The following CLCA4 variants were observed in gnomAD, a reference collection of about 807,000 sequenced individuals.
CLCA4 encodes calcium-activated chloride channel regulator 4.
Under a neutral mutation model 78.9 loss-of-function variants are expected in CLCA4, and 69 were observed. The observed-to-expected ratio is 0.87, with a 90% CI of 0.72 to 1.07. The LOEUF is 1.07. Ranked by LOEUF, CLCA4 falls within the 50% of genes least tolerant of loss-of-function variation. The probability of loss-of-function intolerance (pLI) is 0.00; values close to 1 mark genes in which losing one functional copy is unlikely to be tolerated. For missense variants in CLCA4, 1,133 were observed against 1,095.8 expected (o/e 1.03, Z -0.48); for synonymous variants, 362 against 375.8 (o/e 0.96, Z 0.42).
intron 9 of CLCA4, among the ~76,000 whole-genome samples, chr1:86,573,311 C>A (rs1031829979): frequency 3.3e-5 from 5 of 151,904 alleles, no homozygotes; most frequent in African/African-American, 7.2e-5. Context: ...GTCTTGATAG[C>A]ACCACCATTT....
At position 86,551,678 on chromosome 1, in the gene CLCA4, G is replaced by C. The variant is rs77412749; in HGVS notation, c.159+4400G>C. ...TGCTATTTCCTCAGCCAGGGCAGGTGCCTGGGCTGACGGGAGGCCTTCAGG... is the reference window on the plus strand; with the variant it reads ...TGCTATTTCCTCAGCCAGGGCAGGTCCCTGGGCTGACGGGAGGCCTTCAGG... On this transcript the variant is annotated intron_variant, in intron 1 of 13. Transcript: ENST00000370563. Among the ~76,000 whole-genome samples, 60 of 152,328 alleles carry C rather than the reference G, an allele frequency of 3.9e-4. No individual in the cohort carries two copies. In the East Asian group the frequency reaches 0.011, roughly 28 times the overall value.
At chr1:86,573,462 C>G (rs1200024341) in intron 9 of CLCA4, among the ~76,000 whole-genome samples, 1 of 151,972 alleles carries the variant, frequency 6.6e-6, no homozygotes, top group Non-Finnish European at 1.5e-5. Context: ...TATGTCATGT[C>G]ACTTTATGCC....
chr1:86,576,315 A>T (rs943102841), intron 11 of CLCA4, among the ~76,000 whole-genome samples: 22 of 151,882 alleles, frequency 1.4e-4, no homozygotes, highest in African/African-American at 5.3e-4. Context: ...GGTGTGTGCC[A>T]CCATGCTCAG....
At chr1:86,565,199 G>A in intron 4 of CLCA4, 75 bp from the exon 5 acceptor site, 1 of 1,031,692 alleles carries the variant, frequency 9.7e-7, no homozygotes, top group Admixed American at 2.5e-5. Flanking sequence ...AGTTCATCAT[G>A]AATAGAACCA....
intron 5 of CLCA4, 135 bp downstream of exon 5, chr1:86,565,586 A>G: frequency 1.4e-6 from 1 of 732,756 alleles, no homozygotes; most frequent in East Asian, 2.6e-5. Flanking sequence ...AACACATAGT[A>G]TTTGCTGAAC....
Position 86,557,458 on chromosome 1 carries a change from T to G in CLCA4, c.160-2474T>G, listed in dbSNP as rs192979746. On this transcript the variant is annotated intron_variant, in intron 1 of 13. Transcript: ENST00000370563. ...AACATCTTGATTTCTGCTTTAATTT[T>G]ATTATTTACCAAAACAAAAGTCATT... Among the ~76,000 whole-genome samples, 285 of 152,270 alleles carry G rather than the reference T, an allele frequency of 1.9e-3. 2 individuals carry two copies. Among genetic ancestry groups the G allele is most frequent in the Middle Eastern group, 0.01 (3 of 294 alleles).
At chr1:86,554,077 A>T (rs1324201999) in intron 1 of CLCA4, among the ~76,000 whole-genome samples, 6 of 152,198 alleles carry the variant, frequency 3.9e-5, no homozygotes, top group Non-Finnish European at 8.8e-5. Context: ...TGTACAGATT[A>T]CTTCATCACC....
At chr1:86,572,940 C>T (rs1462508466) in intron 9 of CLCA4, 3 of 519,920 alleles carry the variant, frequency 5.8e-6, no homozygotes, top group Non-Finnish European at 1.0e-5. Context: ...GTTTCTTTTC[C>T]TATTGCCATG....
At chr1:86,566,594 A>C (rs529636801) in intron 6 of CLCA4, among the ~76,000 whole-genome samples, 1 of 152,078 alleles carries the variant, frequency 6.6e-6, no homozygotes, top group Non-Finnish European at 1.5e-5. Context: ...GGTATTAAAA[A>C]GGGCAGAGAA....
chr1:86,552,660 C>G, intron 1 of CLCA4: 1 of 859,144 alleles, frequency 1.2e-6, no homozygotes, highest in Admixed American at 1.9e-5. Context: ...TCCAGCTCGC[C>G]CAGATCGGAC....
chr1:86,570,131 C>T (rs929104955), intron 7 of CLCA4, among the ~76,000 whole-genome samples: 4 of 151,916 alleles, frequency 2.6e-5, no homozygotes, highest in African/African-American at 7.2e-5. Context: ...TTGTAATAAG[C>T]GTGGTCAATT....
intron 1 of CLCA4, chr1:86,552,667 G>T (rs1430181119): frequency 3.3e-6 from 3 of 898,294 alleles, no homozygotes; most frequent in Non-Finnish European, 5.5e-6. Flanking sequence ...CGCCCAGATC[G>T]GACTTGCAGA....
chr1:86,565,130 A>C, intron 4 of CLCA4, 144 bp from the exon 5 acceptor site: 1 of 534,008 alleles, frequency 1.9e-6, no homozygotes, highest in Non-Finnish European at 3.3e-6. Flanking sequence ...GAACCCTTAA[A>C]CCCTATAGCC....
chr1:86,578,151 GTTGA>G, intron 12 of CLCA4, 79 bp downstream of exon 12: 3 of 1,303,920 alleles, frequency 2.3e-6, no homozygotes, highest in East Asian at 2.6e-5. Context: ...CTTCAAACAG[GTTGA>G]TTAAAACTCA....
intron 1 of CLCA4, chr1:86,553,341 A>C (rs984738130): frequency 1.6e-6 from 1 of 615,496 alleles, no homozygotes; most frequent in African/African-American, 1.9e-5. Context: ...TCGTGCAAAC[A>C]TTGTGTCTTT....
chr1:86,565,743 A>T, intron 5 of CLCA4, 59 bp from the exon 6 acceptor site: 1 of 1,043,872 alleles, frequency 9.6e-7, no homozygotes, highest in Non-Finnish European at 1.3e-6. Flanking sequence ...TCAGGTTTGT[A>T]GTTTGATTTT....
intron 3 of CLCA4, among the ~76,000 whole-genome samples, chr1:86,561,948 T>C (rs1650034665): frequency 6.6e-6 from 1 of 152,140 alleles, no homozygotes; most frequent in Non-Finnish European, 1.5e-5. Flanking sequence ...ATAACATTAG[T>C]AAGAATCTTA....
intron 8 of CLCA4, 65 bp from the exon 9 acceptor site, chr1:86,572,549 A>C: frequency 2.1e-6 from 2 of 958,046 alleles, no homozygotes; most frequent in South Asian, 1.4e-5. Flanking sequence ...TATTAGCTTA[A>C]TAATCACTAA....
At chr1:86,567,350 C>T in intron 6 of CLCA4, 74 bp from the exon 7 acceptor site, 1 of 1,197,642 alleles carries the variant, frequency 8.3e-7, no homozygotes. Flanking sequence ...AAATTCTGTC[C>T]ATTCATTTTA....
Sources: allele counts gnomAD v4.1 joint callset (sites outside exome capture counted in the v4.1 genomes callset), GRCh38; gene constraint gnomAD v4.1.1; transcripts MANE v1.5; gene names NCBI Gene and HGNC (gene_info 2026-07-23, HGNC 2026-07-21).